PTBP2: variants seen among roughly 807,000 people sequenced by gnomAD.
The protein encoded by PTBP2 is polypyrimidine tract-binding protein 2.
A neutral mutation model predicts 61.4 loss-of-function variants in PTBP2; 13 were observed. The ratio of observed to expected loss-of-function variants is 0.21; its 90% confidence interval spans 0.14 to 0.34. PTBP2 has a LOEUF of 0.34. Among genes scored for constraint, PTBP2 ranks in the 10% least tolerant of loss-of-function variants. The pLI is 1.00. For synonymous variants in PTBP2, 215 were observed against 218.5 expected (o/e 0.98, Z 0.14); for missense variants, 405 against 642.6 (o/e 0.63, Z 4.00).
chr1:96,734,398 T>C (rs1651864101), intron 2 of PTBP2, among the ~76,000 whole-genome samples: 1 of 152,084 alleles, frequency 6.6e-6, no homozygotes, highest in African/African-American at 2.4e-5. Flanking sequence ...TTACCTCATA[T>C]TATAAAATGT....
chr1:96,748,956 A>G (rs1239016294), intron 2 of PTBP2, among the ~76,000 whole-genome samples: 1 of 152,214 alleles, frequency 6.6e-6, no homozygotes, highest in Non-Finnish European at 1.5e-5. Context: ...TAAAAATGTA[A>G]TTTGTAAAAA....
intron 2 of PTBP2, among the ~76,000 whole-genome samples, chr1:96,740,057 A>G (rs1186214681): frequency 1.3e-5 from 2 of 152,184 alleles, no homozygotes; most frequent in South Asian, 2.1e-4. Context: ...TTCACTTAAT[A>G]TAATGTCCTC....
chr1:96,819,894 T>A (rs1177532857), downstream of PTBP2: 1 of 151,856 alleles, frequency 6.6e-6, no homozygotes, highest in Non-Finnish European at 1.5e-5. Flanking sequence ...AAAGGAGATT[T>A]GTAGAATTCT....
At chr1:96,727,233 A>G (rs1045373052) in intron 2 of PTBP2, among the ~76,000 whole-genome samples, 1 of 152,312 alleles carries the variant, frequency 6.6e-6, no homozygotes, top group East Asian at 1.9e-4. Context: ...TCAATAGTCC[A>G]TTCTGTTTTA....
At chr1:96,772,973 AT>A (rs1417579691) in intron 5 of PTBP2, among the ~76,000 whole-genome samples, 1 of 150,658 alleles carries the variant, frequency 6.6e-6, no homozygotes, top group Non-Finnish European at 1.5e-5. Flanking sequence ...AAAAAAAAAA[AT>A]TAGCCAGGCA....
intron 2 of PTBP2, among the ~76,000 whole-genome samples, chr1:96,733,135 C>T (rs992301091): frequency 1.3e-5 from 2 of 151,308 alleles, no homozygotes; most frequent in African/African-American, 4.9e-5. Context: ...GTTAGCAGGG[C>T]TGTGTTCCTT....
exon 14 of PTBP2, chr1:96,820,572 A>G (rs1318867875): frequency 6.6e-6 from 1 of 152,078 alleles, no homozygotes; most frequent in African/African-American, 2.4e-5. Context: ...TCAGTTTTCC[A>G]CAAGTTAAAA....
chr1:96,815,472 TTAC>T (rs1662445440), downstream of PTBP2: 1 of 152,196 alleles, frequency 6.6e-6, no homozygotes, highest in African/African-American at 2.4e-5. Context: ...ACTGAGGATG[TTAC>T]TACTGTAACT....
At chr1:96,817,434 ATTC>A (rs1269905161), downstream of PTBP2, 17 of 152,076 alleles carry the variant, frequency 1.1e-4, no homozygotes, top group African/African-American at 2.9e-4. Flanking sequence ...TTTTATAGTT[ATTC>A]TTTGTTATTT....
chr1:96,775,499 C>G (rs1294652485), intron 5 of PTBP2, among the ~76,000 whole-genome samples: 2 of 152,096 alleles, frequency 1.3e-5, no homozygotes, highest in African/African-American at 4.8e-5. Flanking sequence ...TAGTGTACAT[C>G]ATAATTATTG....
intron 3 of PTBP2, among the ~76,000 whole-genome samples, chr1:96,758,303 C>T (rs1655393660): frequency 6.6e-6 from 1 of 151,942 alleles, no homozygotes; most frequent in Non-Finnish European, 1.5e-5. Context: ...ACAAAGATTA[C>T]TCTAGTCATA....
intron 3 of PTBP2, among the ~76,000 whole-genome samples, chr1:96,762,503 G>A (rs1157356424): frequency 0.014 from 383 of 27,142 alleles, 12 homozygotes; most frequent in Non-Finnish European, 0.021. Context: ...GCTGACCCCC[G>A]CCACCTCCCT....
chr1:96,779,290 G>A (rs1658388245), intron 7 of PTBP2, among the ~76,000 whole-genome samples: 1 of 151,962 alleles, frequency 6.6e-6, no homozygotes, highest in African/African-American at 2.4e-5. Context: ...CATGGTTTCT[G>A]TGACATTTTT....
intron 13 of PTBP2, 47 bp downstream of exon 13, chr1:96,813,153 T>C: frequency 4.5e-6 from 7 of 1,559,146 alleles, no homozygotes; most frequent in Non-Finnish European, 6.1e-6. Flanking sequence ...ATAAAATTTT[T>C]AAGTAGTTTT....
chr1:96,758,046 A>G (rs1432857183), intron 3 of PTBP2, among the ~76,000 whole-genome samples: 1 of 152,088 alleles, frequency 6.6e-6, no homozygotes, highest in Non-Finnish European at 1.5e-5. Flanking sequence ...GAGAAAGTGG[A>G]TATATGCAGA....
At chr1:96,812,564 T>G in intron 11 of PTBP2, 148 bp from the exon 12 acceptor site, 1 of 677,248 alleles carries the variant, frequency 1.5e-6, no homozygotes, top group Non-Finnish European at 2.4e-6. Flanking sequence ...GAAAATGTAC[T>G]TAAGTCTTAT....
At chr1:96,747,301 G>A (rs1653966154) in intron 2 of PTBP2, among the ~76,000 whole-genome samples, 1 of 151,996 alleles carries the variant, frequency 6.6e-6, no homozygotes, top group Admixed American at 6.6e-5. Flanking sequence ...ACAGTTTTTA[G>A]CTTTTCAACT....
chr1:96,764,825 G>GTA (rs2100988191), intron 3 of PTBP2, among the ~76,000 whole-genome samples: 1 of 152,248 alleles, frequency 6.6e-6, no homozygotes, highest in South Asian at 2.1e-4. Flanking sequence ...TTATCTTCTT[G>GTA]TATATAAAGG....
chr1:96,806,861 A>C lies in PTBP2; in HGVS notation c.1079-5A>C, dbSNP rs1661541373. On this transcript the variant is annotated splice_region_variant and splice_polypyrimidine_tract_variant and intron_variant, in intron 10 of 13. Transcript: ENST00000674951. The stretch of plus-strand genomic sequence containing the variant: ...TTGGATTACCTCTCTGTGGCTCCAA[A>C]AAAGGTGTTTATGGAGATGTGCAGC... The C allele has an allele frequency of 1.9e-6, 3 of 1,606,548 alleles. No homozygotes were observed. Among genetic ancestry groups the C allele is most frequent in the South Asian group, 1.1e-5 (1 of 89,398 alleles).
Sources: allele counts gnomAD v4.1 joint callset (sites outside exome capture counted in the v4.1 genomes callset), GRCh38; gene constraint gnomAD v4.1.1; transcripts MANE v1.5; gene names NCBI Gene and HGNC (gene_info 2026-07-23, HGNC 2026-07-21).